Variants in NBAS observed in about 807,000 individuals in gnomAD.
NBAS encodes NBAS subunit of NRZ tethering complex, also known as NAG/BC035112 fusion.
In NBAS, 219 loss-of-function variants were observed where a neutral mutation model predicts 302.5. The observed-to-expected ratio is 0.72, with a 90% CI of 0.65 to 0.81. The LOEUF is 0.81. Among genes scored for constraint, NBAS ranks in the 30% least tolerant of loss-of-function variants. The pLI is 0.00. For synonymous variants in NBAS, 1,118 were observed against 1,021.6 expected (o/e 1.09, Z -1.80); for missense variants, 2,932 against 2,841.6 (o/e 1.03, Z -0.72).
chr2:15,435,627 C>T (rs1186346822), intron 21 of NBAS, among the ~76,000 whole-genome samples: 1 of 152,144 alleles, frequency 6.6e-6, no homozygotes, highest in Non-Finnish European at 1.5e-5. Flanking sequence ...AGAGTCTACG[C>T]TCTCAGCCAC....
intron 18 of NBAS, 84 bp downstream of exon 18, chr2:15,467,580 G>A: frequency 7.2e-7 from 1 of 1,390,748 alleles, no homozygotes; most frequent in Non-Finnish European, 1.0e-6. Flanking sequence ...AAATAATTTG[G>A]ACTAATTATT....
the NBAS span, among the ~76,000 whole-genome samples, chr2:15,012,403 A>G: frequency 2.4e-4 from 36 of 152,130 alleles, no homozygotes; most frequent in African/African-American, 8.2e-4. Flanking sequence ...CAGGACTTAC[A>G]GGACACCATT....
chr2:15,336,687 G>C (rs144428852), intron 35 of NBAS, among the ~76,000 whole-genome samples: 2 of 152,010 alleles, frequency 1.3e-5, no homozygotes, highest in Non-Finnish European at 2.9e-5. Context: ...CTGAGGTCAC[G>C]CCAATGCACT....
intron 42 of NBAS, 72 bp downstream of exon 42, chr2:15,287,001 C>A: frequency 8.0e-7 from 1 of 1,253,102 alleles, no homozygotes; most frequent in Non-Finnish European, 1.2e-6. Context: ...TTTACAACTT[C>A]TTCAAGAGTC....
At chr2:15,444,696 C>G (rs1678628077) in intron 21 of NBAS, among the ~76,000 whole-genome samples, 1 of 151,364 alleles carries the variant, frequency 6.6e-6, no homozygotes. Flanking sequence ...GCAAAAGAAA[C>G]TACCATCAGA....
intron 6 of NBAS, among the ~76,000 whole-genome samples, chr2:15,549,340 AC>A (rs1198459399): frequency 6.6e-6 from 1 of 152,132 alleles, no homozygotes; most frequent in Non-Finnish European, 1.5e-5. Flanking sequence ...ACAGAAGAAA[AC>A]TTTGTCAGCA....
chr2:15,470,489 G>C, intron 16 of NBAS, among the ~76,000 whole-genome samples: 1 of 152,190 alleles, frequency 6.6e-6, no homozygotes, highest in Non-Finnish European at 1.5e-5. Context: ...CTGCACACCA[G>C]CCACTGAACT....
the NBAS span, among the ~76,000 whole-genome samples, chr2:14,858,849 T>C: frequency 6.6e-6 from 1 of 152,086 alleles, no homozygotes; most frequent in Non-Finnish European, 1.5e-5. Context: ...CACAAAGGAT[T>C]AATGCTTGAA....
the NBAS span, among the ~76,000 whole-genome samples, chr2:15,080,876 G>C: frequency 1.3e-5 from 2 of 152,136 alleles, no homozygotes; most frequent in African/African-American, 4.8e-5. Context: ...AATTTCTTAG[G>C]AGCCATAACA....
Position 15,417,617 on chromosome 2 carries a change from C to T in NBAS, c.2673G>A (p.Leu891=), listed in dbSNP as rs756780902. 5.6e-5 allele frequency: 91 copies of T among 1,613,870 alleles called. No homozygotes were observed. The East Asian group carries it at 2.0e-3, about 36-fold the overall frequency. Residue 891 remains leucine, a synonymous_variant, in exon 24 of 52, where the codon TTG becomes TTA. Coordinates refer to ENST00000281513, the MANE Select transcript of NBAS (RefSeq NM_015909.4). The stretch of plus-strand genomic sequence containing the variant: ...TTACATCACACCTGGCTTCATAAAC[C>T]AATGTTTCCAGAGTAACCAAATTGT... ...LCDNLVTLET[L]VYEARCDVTL...
At chr2:15,449,591 CT>C (rs66987265) in intron 21 of NBAS, among the ~76,000 whole-genome samples, 16 of 151,568 alleles carry the variant, frequency 1.1e-4, no homozygotes, top group Non-Finnish European at 2.1e-4. Flanking sequence ...GCCCTGAACC[CT>C]TTTTTTTCTT....
the NBAS span, among the ~76,000 whole-genome samples, chr2:15,100,555 T>C: frequency 1.3e-5 from 2 of 152,232 alleles, no homozygotes; most frequent in African/African-American, 2.4e-5. Flanking sequence ...GAACACACAA[T>C]GTACCTGAAT....
chr2:15,505,182 T>C (rs1478942601), intron 10 of NBAS, among the ~76,000 whole-genome samples: 2 of 152,180 alleles, frequency 1.3e-5, no homozygotes, highest in Non-Finnish European at 2.9e-5. Flanking sequence ...ACTTACTCCA[T>C]TGTGACCTGC....
chr2:15,258,676 T>G (rs1242407252), intron 44 of NBAS, among the ~76,000 whole-genome samples: 4 of 152,144 alleles, frequency 2.6e-5, no homozygotes, highest in African/African-American at 9.7e-5. Context: ...AGTTGTCTGC[T>G]CTCGAACCCT....
At chr2:15,034,278 G>GAAAAAGAAAGAAAGAAAGAAAGAAAGAA in the NBAS span, among the ~76,000 whole-genome samples, 1 of 127,392 alleles carries the variant, frequency 7.8e-6, no homozygotes, top group Non-Finnish European at 1.7e-5. Context: ...GAAAGAAAGA[G>GAAAAAGAAAGAAAGAAAGAAAGAAAGAA]AGAAAGAAAG....
chr2:15,145,401 A>ATGTG, the NBAS span, among the ~76,000 whole-genome samples: 2,981 of 148,182 alleles, frequency 0.02, 74 homozygotes, highest in East Asian at 0.13. Flanking sequence ...GTTTGTTTGT[A>ATGTG]TGTGTGTGTG....
chr2:14,937,751 G>A, the NBAS span, among the ~76,000 whole-genome samples: 1 of 152,136 alleles, frequency 6.6e-6, no homozygotes. Flanking sequence ...CTTGGAAAAT[G>A]GTCCTGCACC....
chr2:15,113,320 CGTGTGTGTGTGTGT>C, the NBAS span, among the ~76,000 whole-genome samples: 31 of 129,940 alleles, frequency 2.4e-4, no homozygotes, highest in South Asian at 6.6e-3. Context: ...GGTATGAACT[CGTGTGTGTGTGTGT>C]GTGTGTGTGT....
At chr2:15,245,295 C>G (rs1035572950) in intron 44 of NBAS, among the ~76,000 whole-genome samples, 2 of 152,122 alleles carry the variant, frequency 1.3e-5, no homozygotes, top group Non-Finnish European at 2.9e-5. Flanking sequence ...CTTCAACCAC[C>G]CCGGCACCCT....
Sources: allele counts gnomAD v4.1 joint callset (sites outside exome capture counted in the v4.1 genomes callset), GRCh38; gene constraint gnomAD v4.1.1; transcripts MANE v1.5; gene names NCBI Gene and HGNC (gene_info 2026-07-23, HGNC 2026-07-21).